TTC28: variants seen among roughly 807,000 people sequenced by gnomAD.
TTC28 encodes the protein tetratricopeptide repeat domain 28, also known as tetratricopeptide repeat protein 28.
In TTC28, 61 loss-of-function variants were observed where a neutral mutation model predicts 198.0. The ratio of observed to expected loss-of-function variants is 0.31; its 90% CI spans 0.25 to 0.38. The LOEUF is 0.38. Ranked by LOEUF, TTC28 falls within the 10% of genes least tolerant of loss-of-function variation. TTC28 has a pLI of 1.00. For missense variants in TTC28, 2,678 were observed against 3,164.0 expected (o/e 0.85, Z 3.69); for synonymous variants, 1,171 against 1,297.8 (o/e 0.90, Z 2.10).
intron 6 of TTC28, among the ~76,000 whole-genome samples, chr22:28,119,684 A>G (rs1942733188): frequency 6.6e-6 from 1 of 152,308 alleles, no homozygotes; most frequent in Non-Finnish European, 1.5e-5. Flanking sequence ...ATGTGGGAAA[A>G]TCCTACACAA....
intron 2 of TTC28, among the ~76,000 whole-genome samples, chr22:28,379,484 A>C (rs1458917098): frequency 6.6e-6 from 1 of 152,254 alleles, no homozygotes; most frequent in Non-Finnish European, 1.5e-5. Flanking sequence ...AGCATAGATG[A>C]ACCTTGAGGA....
intron 2 of TTC28, among the ~76,000 whole-genome samples, chr22:28,371,581 CAAAAAAA>C (rs147727536): frequency 0.51 from 16,542 of 32,532 alleles, 5,070 homozygotes; most frequent in Admixed American, 0.53. Context: ...TCATCTTAAC[CAAAAAAA>C]AAAAAAAAAA....
At chr22:28,563,870 T>C (rs529367872) in intron 2 of TTC28, among the ~76,000 whole-genome samples, 27 of 152,248 alleles carry the variant, frequency 1.8e-4, no homozygotes, top group Admixed American at 7.2e-4. Flanking sequence ...TTATTCACAA[T>C]AGCCAAAAGG....
At chr22:28,450,194 T>TA (rs2047759590) in intron 2 of TTC28, among the ~76,000 whole-genome samples, 1 of 152,094 alleles carries the variant, frequency 6.6e-6, no homozygotes, top group South Asian at 2.1e-4. Flanking sequence ...AGCCTTAGGT[T>TA]AAAAAAATTC....
At chr22:28,465,095 T>C (rs987906468) in intron 2 of TTC28, among the ~76,000 whole-genome samples, 1 of 152,212 alleles carries the variant, frequency 6.6e-6, no homozygotes, top group African/African-American at 2.4e-5. Context: ...TAGATTTACA[T>C]TTTCTGGTTA....
intron 12 of TTC28, among the ~76,000 whole-genome samples, chr22:28,067,699 G>T (rs1940815930): frequency 6.6e-6 from 1 of 152,152 alleles, no homozygotes; most frequent in Admixed American, 6.6e-5. Context: ...GAATAAATGG[G>T]TTAAAAATGA....
Position 27,981,975 on chromosome 22 carries a change from AGT to A in TTC28, c.*244_*245del, listed in dbSNP as rs1937035882. ...TCAAAGGTAAACAAACATTTGGTGA[AGT>A]GTGTAGGAAATTCCATGAGCCTCCT... On this transcript the variant is annotated 3_prime_UTR_variant, in exon 23 of 23. Transcript: ENST00000397906. 5 of 407,822 alleles carry A rather than the reference AGT, an allele frequency of 1.2e-5. No homozygotes were observed. The East Asian group carries it at 1.5e-4, about 12-fold the overall frequency. The allele number at this position is 407,822 out of a possible 1,614,324, so 25.3% of individuals were successfully genotyped here.
At chr22:28,639,458 T>C (rs1294130752) in intron 1 of TTC28, among the ~76,000 whole-genome samples, 1 of 152,170 alleles carries the variant, frequency 6.6e-6, no homozygotes, top group Non-Finnish European at 1.5e-5. Flanking sequence ...AGCAAAGGCA[T>C]ATGTTAGTTG....
intron 2 of TTC28, among the ~76,000 whole-genome samples, chr22:28,356,757 T>C (rs931386445): frequency 6.6e-6 from 1 of 152,216 alleles, no homozygotes; most frequent in African/African-American, 2.4e-5. Flanking sequence ...TGAGAACCTG[T>C]TGCAAGTAAG....
chr22:28,167,243 T>TATAA (rs971227798), intron 5 of TTC28, among the ~76,000 whole-genome samples: 16 of 152,142 alleles, frequency 1.1e-4, no homozygotes, highest in African/African-American at 3.9e-4. Context: ...CTACCAGAGG[T>TATAA]ATAAGGAGGA....
At chr22:28,643,554 G>A (rs556076207) in intron 1 of TTC28, among the ~76,000 whole-genome samples, 19 of 152,214 alleles carry the variant, frequency 1.2e-4, no homozygotes, top group African/African-American at 4.6e-4. Flanking sequence ...GTATTCCATG[G>A]TCAAACAATT....
At position 28,171,945 on chromosome 22, in the gene TTC28, C is replaced by T. The variant is rs139319505; in HGVS notation, c.934-8346G>A. The stretch of plus-strand genomic sequence containing the variant: ...AGCACATTGTACAAGGAACTTTCTA[C>T]TGCTTCCACCTCCACCCATACCCTA... On this transcript the variant is annotated intron_variant, in intron 5 of 22. Coordinates refer to ENST00000397906, the MANE Select transcript of TTC28 (RefSeq NM_001145418.2). Among the ~76,000 whole-genome samples the T allele has an allele frequency of 3.9e-5, 6 of 152,244 alleles. No homozygotes were observed. The East Asian group carries it at 9.7e-4, about 25-fold the overall frequency.
chr22:27,992,504 T>A, intron 19 of TTC28, 83 bp downstream of exon 19: 1 of 1,395,486 alleles, frequency 7.2e-7, no homozygotes, highest in Non-Finnish European at 9.8e-7. Flanking sequence ...CACTTACAGG[T>A]TCCTATTTAG....
intron 2 of TTC28, among the ~76,000 whole-genome samples, chr22:28,486,667 A>G (rs534203581): frequency 1.3e-5 from 2 of 152,302 alleles, no homozygotes; most frequent in East Asian, 1.9e-4. Context: ...CGGAAGGCCA[A>G]TTGTAAAGTG....
intron 6 of TTC28, among the ~76,000 whole-genome samples, chr22:28,109,219 T>C (rs140348267): frequency 7.2e-5 from 11 of 152,322 alleles, no homozygotes; most frequent in East Asian, 1.9e-4. Context: ...CACTGGGGGA[T>C]TGTATAAGTA....
chr22:28,403,474 G>A (rs932253405), intron 2 of TTC28, among the ~76,000 whole-genome samples: 1 of 152,116 alleles, frequency 6.6e-6, no homozygotes, highest in East Asian at 1.9e-4. Context: ...ATGACGCCAG[G>A]ATCTAAAGTC....
chr22:28,669,803 T>C (rs1231179146), intron 1 of TTC28, among the ~76,000 whole-genome samples: 8 of 152,188 alleles, frequency 5.3e-5, no homozygotes, highest in African/African-American at 1.7e-4. Context: ...AATTTTCTTT[T>C]AGGAGATGTA....
At chr22:28,060,601 G>A (rs1376937867) in intron 12 of TTC28, among the ~76,000 whole-genome samples, 1 of 152,060 alleles carries the variant, frequency 6.6e-6, no homozygotes, top group Non-Finnish European at 1.5e-5. Context: ...TAATCCTTTG[G>A]GTATATACCC....
chr22:28,517,057 T>C (rs1228608536), intron 2 of TTC28, among the ~76,000 whole-genome samples: 1 of 152,218 alleles, frequency 6.6e-6, no homozygotes, highest in African/African-American at 2.4e-5. Flanking sequence ...GTTGCACAGT[T>C]AGTAAATCGC....
Sources: allele counts gnomAD v4.1 joint callset (sites outside exome capture counted in the v4.1 genomes callset), GRCh38; gene constraint gnomAD v4.1.1; transcripts MANE v1.5; gene names NCBI Gene and HGNC (gene_info 2026-07-23, HGNC 2026-07-21).